Variants in TECTA observed in about 807,000 individuals in gnomAD.
TECTA encodes tectorin alpha.
Under a neutral mutation model 216.8 loss-of-function variants are expected in TECTA, and 128 were observed. The observed-to-expected ratio is 0.59, with a 90% CI of 0.51 to 0.68. The LOEUF (loss-of-function observed/expected upper bound fraction) is 0.68, where lower values mean the gene tolerates loss of function less well. Among genes scored for constraint, TECTA ranks in the 30% least tolerant of loss-of-function variants. TECTA has a pLI of 0.00. For missense variants in TECTA, 2,551 were observed against 2,786.2 expected (o/e 0.92, Z 1.90); for synonymous variants, 1,089 against 1,117.1 (o/e 0.97, Z 0.50).
At chr11:121,131,891 T>C (rs373954950) in intron 10 of TECTA, among the ~76,000 whole-genome samples, 19 of 152,254 alleles carry the variant, frequency 1.2e-4, no homozygotes, top group African/African-American at 4.1e-4. Context: ...CAATGTGTCA[T>C]ATCTGGAGGC....
At chr11:121,137,308 A>C in intron 10 of TECTA, 113 bp from the exon 11 acceptor site, 1 of 1,347,956 alleles carries the variant, frequency 7.4e-7, no homozygotes, top group East Asian at 2.3e-5. Context: ...GCATGCACAC[A>C]CGCACATGCA....
In TECTA at chr11:121,137,586, G is replaced by A. The variant is rs772606235; in HGVS notation, c.3107G>A (p.Cys1036Tyr). The A allele has an allele frequency of 1.1e-5, 18 of 1,613,904 alleles. No homozygotes were observed. In the Admixed American group the frequency reaches 2.8e-4, roughly 25 times the overall value. Residue 1036 changes from cysteine (C) to tyrosine (Y), a missense_variant, in exon 11 of 24, where the codon TGT becomes TAT. By Grantham distance (194) the Cys-to-Tyr change is radical (BLOSUM62 -2). Coordinates refer to ENST00000392793, the MANE Select transcript of TECTA (RefSeq NM_005422.4). ...AGCCAGTGTGTCACGCGGAGTGAGTGTGGCTGCAACTTTGAGGGGCACCAA... is the reference window on the plus strand; with the variant it reads ...AGCCAGTGTGTCACGCGGAGTGAGTATGGCTGCAACTTTGAGGGGCACCAA... ...LGSQCVTRSE[C>Y]GCNFEGHQLA...
Position 121,190,865 on chromosome 11 carries a change from T to TA in TECTA, c.*64dup. On this transcript the variant is annotated 3_prime_UTR_variant, in exon 24 of 24. Coordinates refer to ENST00000392793, the MANE Select transcript of TECTA (RefSeq NM_005422.4). ...TTACTTACTTCAACACCCTGTAGGA[T>TA]AAAAAGTGTGTGCCCTTAAGTCAAA... The TA allele has an allele frequency of 7.6e-7, 1 of 1,320,608 alleles. No homozygotes were observed. 81.8% of individuals were successfully genotyped at this position (1,320,608 alleles called of 1,614,324 possible).
chr11:121,103,804 C>T (rs1337706399), intron 2 of TECTA, among the ~76,000 whole-genome samples: 1 of 152,058 alleles, frequency 6.6e-6, no homozygotes, highest in Non-Finnish European at 1.5e-5. Flanking sequence ...TTTCATTTGA[C>T]AAGTATTATT....
At chr11:121,182,446 A>G (rs944639640) in intron 20 of TECTA, among the ~76,000 whole-genome samples, 4 of 152,100 alleles carry the variant, frequency 2.6e-5, no homozygotes, top group Admixed American at 2.6e-4. Context: ...TTTAAAGGCA[A>G]ATGTAGTCGT....
At chr11:121,130,528 G>A (rs1856646435) in intron 10 of TECTA, among the ~76,000 whole-genome samples, 1 of 152,218 alleles carries the variant, frequency 6.6e-6, no homozygotes, top group African/African-American at 2.4e-5. Flanking sequence ...TGATGGCTCT[G>A]TAGGTGCCTT....
rs1482985538 is a variant in TECTA at position 121,127,927 on chromosome 11, C to T, written c.1950C>T (p.Cys650=). Residue 650 remains cysteine (C), a synonymous_variant, in exon 9 of 24, where the codon TGC becomes TGT. Coordinates refer to ENST00000392793, the MANE Select transcript of TECTA (RefSeq NM_005422.4). This position sits in a 1 kb window ranked among gnomAD's most constrained non-coding sequence, Gnocchi z 5.0. ...STSQCVPLHK[C]GCDFDGHYYT... ...GCCAGTGCGTCCCTCTGCACAAGTG[C>T]GGCTGCGACTTCGACGGCCACTACT... 8 of 1,614,028 alleles carry T rather than the reference C, an allele frequency of 5.0e-6. No homozygotes were observed. Among genetic ancestry groups the T allele is most frequent in the East Asian group, 4.5e-5 (2 of 44,892 alleles).
rs529327757 is a variant in TECTA at position 121,172,642 on chromosome 11, TAAACATAC to T, written c.5999+3719_5999+3726del. Among the ~76,000 whole-genome samples, 788 of 151,446 alleles carry T rather than the reference TAAACATAC, an allele frequency of 5.2e-3. 4 individuals carry two copies. The highest frequency in any genetic ancestry group is 0.014 in the Middle Eastern group (4 of 292). ...TTTGCTATTGTGAATAGTGCCGCAA[TAAACATAC>T]ATGTGCATGTGTCTTTATAGCAGCA... On this transcript the variant is annotated intron_variant, in intron 20 of 23. Transcript: ENST00000392793.
intron 18 of TECTA, among the ~76,000 whole-genome samples, 163 bp from the exon 19 acceptor site, chr11:121,167,891 T>TC: frequency 6.6e-6 from 1 of 152,178 alleles, no homozygotes; most frequent in East Asian, 1.9e-4. Context: ...TACTTTTTTT[T>TC]CCCCCAAGTA....
In TECTA at chr11:121,113,618, C is replaced by T. The variant is rs34605023; in HGVS notation, c.690C>T (p.Ile230=). 5.7e-4 allele frequency: 920 copies of T among 1,613,980 alleles called. 14 individuals carry two copies. In the African/African-American group the frequency reaches 0.011, roughly 18 times the overall value. Residue 230 remains isoleucine (I), a synonymous_variant, in exon 6 of 24, where the codon ATC becomes ATT. Transcript: ENST00000392793. This position sits in a 1 kb window ranked among gnomAD's most constrained non-coding sequence, Gnocchi z 4.2. ...FSLPGSRTPE[I]VNIQETTNVN... Reference sequence around the variant, plus strand: ...TCCCGGGGTCAAGAACCCCCGAGATCGTGAATATCCAGGAGACCACAAACG... The same window carrying T: ...TCCCGGGGTCAAGAACCCCCGAGATTGTGAATATCCAGGAGACCACAAACG...
chr11:121,182,733 A>C (rs1039182128), intron 20 of TECTA, among the ~76,000 whole-genome samples: 1 of 152,130 alleles, frequency 6.6e-6, no homozygotes, highest in African/African-American at 2.4e-5. Context: ...CTTGGTTGCC[A>C]GTGGTGGTGG....
chr11:121,113,704 G>GGTCCATCCACCCACC lies in TECTA; in HGVS notation c.776_777insGTCCATCCACCCACC (p.Gly259_Cys260insSerIleHisProPro). The GGTCCATCCACCCACC allele has an allele frequency of 6.2e-7, 1 of 1,613,686 alleles. No individual in the cohort carries two copies. The highest frequency in any genetic ancestry group is 8.5e-7 in the Non-Finnish European group (1 of 1,180,006). Reference sequence around the variant, plus strand: ...GGAAAGGAAATTGACCCAGCCAATGGCTGCACCTCAAGGGGTAAAGCTTTT... The same window carrying GGTCCATCCACCCACC: ...GGAAAGGAAATTGACCCAGCCAATGGGTCCATCCACCCACCCTGCACCTCAAGGGGTAAAGCTTTT... On this transcript the variant is annotated inframe_insertion, in exon 6 of 24. Coordinates refer to ENST00000392793, the MANE Select transcript of TECTA (RefSeq NM_005422.4). The surrounding 1 kb of genome is among the most constrained non-coding windows in gnomAD (Gnocchi z 4.2).
At chr11:121,120,326 T>A (rs978881761) in intron 7 of TECTA, among the ~76,000 whole-genome samples, 3 of 152,208 alleles carry the variant, frequency 2.0e-5, no homozygotes, top group Non-Finnish European at 4.4e-5. Context: ...AAGAAAAGGT[T>A]ATGTGACTCC....
In TECTA at chr11:121,189,765, G is replaced by C. The variant is rs140887380; in HGVS notation, c.6252G>C (p.Arg2084Ser). Residue 2084 changes from arginine to serine, a missense_variant and splice_region_variant, in exon 23 of 24, where the codon AGG (arginine) becomes AGC (serine). Around this residue, in one of 3 missense-constraint regions of TECTA, gnomAD observed 118 missense variants for 116.4 expected, o/e 1.01. Coordinates refer to ENST00000392793, the MANE Select transcript of TECTA (RefSeq NM_005422.4). The part of the protein sequence containing the change: ...IISVGPIRRK[R>S]LDWCEDNGGC... Reference sequence around the variant, plus strand: ...ATCTTCCTAACTGCTCTTTTGTAGGGCTGGACTGGTGTGAGGACAATGGAG... The same window carrying C: ...ATCTTCCTAACTGCTCTTTTGTAGGCCTGGACTGGTGTGAGGACAATGGAG... 6.2e-7 allele frequency: 1 copy of C among 1,613,802 alleles called. No homozygotes were observed. Among genetic ancestry groups the C allele is most frequent in the Admixed American group, 1.7e-5 (1 of 60,018 alleles).
At chr11:121,102,130 T>C (rs566246912) in intron 1 of TECTA, among the ~76,000 whole-genome samples, 7 of 152,342 alleles carry the variant, frequency 4.6e-5, no homozygotes, top group Non-Finnish European at 8.8e-5. Context: ...TTCAAAATGA[T>C]GGATCGGCTC....
At position 121,127,241 on chromosome 11, in the gene TECTA, A is replaced by G. The variant is rs1217187920; in HGVS notation, c.1775-511A>G. On this transcript the variant is annotated intron_variant, in intron 8 of 23. Coordinates refer to ENST00000392793, the MANE Select transcript of TECTA (RefSeq NM_005422.4). The surrounding 1 kb of genome is among the most constrained non-coding windows in gnomAD (Gnocchi z 5.0). The stretch of plus-strand genomic sequence containing the variant: ...TTAATATCCCAGGGAATTCATCCCC[A>G]CAGCCTTCCTTGGTCACACTTAGGT... Among the ~76,000 whole-genome samples, 1 of 152,202 alleles carries G rather than the reference A, an allele frequency of 6.6e-6. No homozygotes were observed. The highest frequency in any genetic ancestry group is 1.5e-5 in the Non-Finnish European group (1 of 68,032).
At chr11:121,161,626 AG>A (rs1193207104) in intron 15 of TECTA, among the ~76,000 whole-genome samples, 1 of 60,782 alleles carries the variant, frequency 1.6e-5, no homozygotes, top group Non-Finnish European at 3.2e-5. Context: ...TGTAATGTTT[AG>A]CTTTTGGCCC....
At chr11:121,109,718 C>T (rs772669361) in intron 4 of TECTA, 10 of 579,156 alleles carry the variant, frequency 1.7e-5, no homozygotes, top group Non-Finnish European at 3.0e-5. Flanking sequence ...TCACCCCTAT[C>T]ACAAATCATC....
chr11:121,138,163 A>G, intron 11 of TECTA, 141 bp downstream of exon 11: 8 of 1,235,642 alleles, frequency 6.5e-6, no homozygotes, highest in Non-Finnish European at 8.9e-6. Flanking sequence ...GGCCCTAGAG[A>G]TTTTCTGTCA....
Sources: gnomAD v4.1 joint callset for allele counts (sites outside exome capture counted in the v4.1 genomes callset) on GRCh38, gnomAD v4.1.1 for gene constraint, gnomAD v4.1.1 regional missense constraint, Gnocchi (gnomAD v3.1) non-coding constraint, MANE v1.5 for transcripts, NCBI Gene and HGNC (gene_info 2026-07-23, HGNC 2026-07-21) for gene names.